The following AGBL1 variants were observed in gnomAD, a reference collection of about 807,000 sequenced individuals.
The protein encoded by AGBL1 is cytosolic carboxypeptidase 4.
A neutral mutation model predicts 118.9 loss-of-function variants in AGBL1; 130 were observed. That is an observed-to-expected ratio of 1.09 (90% CI 0.95 to 1.26). The LOEUF (loss-of-function observed/expected upper bound fraction) is 1.26. AGBL1 is among the 50% of genes most tolerant of loss of function. AGBL1 has a pLI of 0.00. For missense variants in AGBL1, 1,584 were observed against 1,298.1 expected (o/e 1.22, Z -3.38); for synonymous variants, 555 against 478.9 (o/e 1.16, Z -2.08).
intron 5 of AGBL1, among the ~76,000 whole-genome samples, chr15:86,189,575 A>G (rs1483094610): frequency 6.6e-6 from 1 of 152,050 alleles, no homozygotes; most frequent in Admixed American, 6.6e-5. Context: ...ATTAGTTCCC[A>G]TGAGAGCTGG....
chr15:86,550,456 G>T (rs2083648871), intron 20 of AGBL1, among the ~76,000 whole-genome samples: 2 of 152,044 alleles, frequency 1.3e-5, no homozygotes, highest in African/African-American at 2.4e-5. Context: ...CATGCAAATG[G>T]TAACCATAAT....
intron 18 of AGBL1, among the ~76,000 whole-genome samples, chr15:86,472,875 C>T (rs1032049668): frequency 5.3e-5 from 8 of 152,164 alleles, no homozygotes; most frequent in Non-Finnish European, 8.8e-5. Context: ...GCCGAGATTG[C>T]ACCACTGCAC....
At chr15:86,920,675 C>T (rs1211739553), downstream of AGBL1, among the ~76,000 whole-genome samples, 1 of 152,154 alleles carries the variant, frequency 6.6e-6, no homozygotes, top group African/African-American at 2.4e-5. Flanking sequence ...CATGACAATC[C>T]TATAACATAG....
At chr15:86,406,409 A>C (rs920228244) in intron 18 of AGBL1, among the ~76,000 whole-genome samples, 2 of 152,238 alleles carry the variant, frequency 1.3e-5, no homozygotes, top group Non-Finnish European at 2.9e-5. Context: ...GTTTTCAAAA[A>C]ACAAAATGAT....
chr15:86,264,577 A>T lies in AGBL1; in HGVS notation c.1406A>T (p.Asp469Val). The change falls in exon 11 of 23, where the codon GAC becomes GTC. Residue 469 changes from aspartate to valine, a missense_variant. Transcript: ENST00000614907. ...GCTTCCCCGAAAGCAGATGCCTGGGACGTAGATGCAATTTTCTGCCCAAGG... is the reference window on the plus strand; with the variant it reads ...GCTTCCCCGAAAGCAGATGCCTGGGTCGTAGATGCAATTTTCTGCCCAAGG... ...IQASPKADAW[D>V]VDAIFCPRMS... The T allele has an allele frequency of 6.2e-7, 1 of 1,613,984 alleles. No homozygotes were observed. The highest frequency in any genetic ancestry group is 8.5e-7 in the Non-Finnish European group (1 of 1,179,870).
intron 21 of AGBL1, among the ~76,000 whole-genome samples, chr15:86,673,577 C>T (rs1012361327): frequency 6.6e-6 from 1 of 152,194 alleles, no homozygotes. Context: ...AGAACAATCT[C>T]TACCTCACAG....
chr15:86,747,565 G>A (rs1385548895), intron 22 of AGBL1, among the ~76,000 whole-genome samples: 1 of 152,198 alleles, frequency 6.6e-6, no homozygotes, highest in South Asian at 2.1e-4. Context: ...TGCCATGTTG[G>A]TGTGCTGCAC....
intron 22 of AGBL1, among the ~76,000 whole-genome samples, chr15:86,713,884 A>G (rs2086598751): frequency 6.6e-6 from 1 of 152,210 alleles, no homozygotes; most frequent in Admixed American, 6.5e-5. Flanking sequence ...TTGCTAATTA[A>G]AGAGCATTTG....
intron 21 of AGBL1, among the ~76,000 whole-genome samples, chr15:86,612,692 T>A (rs1341644498): frequency 6.6e-6 from 1 of 152,206 alleles, no homozygotes. Flanking sequence ...AGCTGTCTCT[T>A]GTGGGGAAAA....
chr15:86,464,992 G>C (rs1596147695), intron 18 of AGBL1, among the ~76,000 whole-genome samples: 1 of 152,070 alleles, frequency 6.6e-6, no homozygotes, highest in South Asian at 2.1e-4. Context: ...ATATCCTGAA[G>C]AGTGTTTTCC....
intron 17 of AGBL1, among the ~76,000 whole-genome samples, chr15:86,345,452 A>G (rs913499066): frequency 6.6e-6 from 1 of 152,228 alleles, no homozygotes; most frequent in African/African-American, 2.4e-5. Context: ...TTATTTTCGT[A>G]TGAACATAGA....
At chr15:86,735,641 C>A (rs2077582565) in intron 22 of AGBL1, among the ~76,000 whole-genome samples, 1 of 115,072 alleles carries the variant, frequency 8.7e-6, no homozygotes, top group Admixed American at 8.4e-5. Context: ...TGTGTATTTC[C>A]TGCTACAAAG....
intron 18 of AGBL1, among the ~76,000 whole-genome samples, chr15:86,497,089 C>G (rs1014838769): frequency 1.8e-4 from 27 of 151,958 alleles, no homozygotes; most frequent in Admixed American, 1.6e-3. Context: ...GCTGACTTAT[C>G]TAGCCATCAA....
chr15:86,828,770 T>A (rs1423633243), intron 22 of AGBL1, among the ~76,000 whole-genome samples: 1 of 152,012 alleles, frequency 6.6e-6, no homozygotes, highest in East Asian at 1.9e-4. Context: ...TTTGTTGCAA[T>A]AGCCATAAGA....
chr15:87,003,579 AGAATTCAGCTGT>A (rs1349619963), intron 24 of AGBL1, among the ~76,000 whole-genome samples: 2 of 152,178 alleles, frequency 1.3e-5, no homozygotes, highest in Admixed American at 6.5e-5. Context: ...TACCTCTAGT[AGAATTCAGCTGT>A]GAATCCATCT....
At chr15:86,799,907 A>G in intron 22 of AGBL1, among the ~76,000 whole-genome samples, 1 of 152,164 alleles carries the variant, frequency 6.6e-6, no homozygotes, top group East Asian at 1.9e-4. Context: ...TGGAAAATTA[A>G]GGCTCCAGCG....
chr15:86,281,803 A>G (rs1411300884), intron 16 of AGBL1, among the ~76,000 whole-genome samples: 1 of 152,176 alleles, frequency 6.6e-6, no homozygotes, highest in African/African-American at 2.4e-5. Context: ...CATTACATTC[A>G]CAAGCTGCTA....
At chr15:86,342,696 T>A (rs1410086777) in intron 17 of AGBL1, among the ~76,000 whole-genome samples, 1 of 152,192 alleles carries the variant, frequency 6.6e-6, no homozygotes, top group African/African-American at 2.4e-5. Flanking sequence ...CGCTGTGAAA[T>A]GAAGCTTCTC....
At chr15:86,404,326 T>C (rs1424635835) in intron 18 of AGBL1, among the ~76,000 whole-genome samples, 1 of 152,184 alleles carries the variant, frequency 6.6e-6, no homozygotes, top group Non-Finnish European at 1.5e-5. Flanking sequence ...TGTCCTTCCC[T>C]GTCACTGCCA....
Sources: gnomAD v4.1 joint callset for allele counts (sites outside exome capture counted in the v4.1 genomes callset) on GRCh38, gnomAD v4.1.1 for gene constraint, MANE v1.5 for transcripts, NCBI Gene and HGNC (gene_info 2026-07-23, HGNC 2026-07-21) for gene names.